Variants in KRR1 observed in about 807,000 individuals in gnomAD.
KRR1 encodes KRR1 small subunit processome component homolog.
A neutral mutation model predicts 50.0 loss-of-function variants in KRR1; 23 were observed. The ratio of observed to expected loss-of-function variants is 0.46; its 90% CI spans 0.33 to 0.65. The LOEUF is 0.65. Among genes scored for constraint, KRR1 ranks in the 30% least tolerant of loss-of-function variants. KRR1 has a pLI of 0.02. For synonymous variants in KRR1, 133 were observed against 146.3 expected (o/e 0.91, Z 0.66); for missense variants, 419 against 442.4 (o/e 0.95, Z 0.47).
rs2046346699 is a variant in KRR1 at position 75,495,751 on chromosome 12, T to A, written c.*4058A>T. ...TTAACAATGAAACCATGTTTTATCT[T>A]AACGGCTATCTTCAAGGAAACTGGC... On this transcript the variant is annotated 3_prime_UTR_variant, in exon 10 of 10. Coordinates refer to ENST00000229214, the MANE Select transcript of KRR1 (RefSeq NM_007043.7). 3 of 767,946 alleles carry A rather than the reference T, an allele frequency of 3.9e-6. No individual in the cohort carries two copies. In the South Asian group the frequency reaches 5.3e-5, roughly 14 times the overall value. 47.6% of individuals were successfully genotyped at this position (767,946 alleles called of 1,614,324 possible). A position where few individuals can be genotyped will look rare whatever the true frequency, so the allele number is the denominator to read the frequency against.
Position 75,499,025 on chromosome 12 carries a change from TG to T in KRR1, c.*783del. The T allele has an allele frequency of 1.5e-6, 2 of 1,345,356 alleles. No homozygotes were observed. Among genetic ancestry groups the T allele is most frequent in the Non-Finnish European group, 1.0e-6 (1 of 994,110 alleles). The allele number at this position is 1,345,356 out of a possible 1,614,324, so 83.3% of individuals were successfully genotyped here. ...CCCAAAAACCAACCTCATTCACATA[TG>T]GCTTTTTTTTTAACCAATAACAATT... On this transcript the variant is annotated 3_prime_UTR_variant, in exon 10 of 10. Coordinates refer to ENST00000229214, the MANE Select transcript of KRR1 (RefSeq NM_007043.7).
intron 2 of KRR1, 93 bp downstream of exon 2, chr12:75,508,181 T>TA (rs371285294): frequency 0.049 from 32,691 of 670,690 alleles, 65 homozygotes; most frequent in Non-Finnish European, 0.055. Flanking sequence ...TTAGCACCAT[T>TA]AAAAAAAAAA....
rs912318904 is a variant in KRR1 at position 75,497,372 on chromosome 12, C to T, written c.*2437G>A. The stretch of plus-strand genomic sequence containing the variant: ...TAGTCCAATAATGAAAACCCTTGGA[C>T]TCTTGAGAAAACACATGCTAACTTG... On this transcript the variant is annotated 3_prime_UTR_variant, in exon 10 of 10. Transcript: ENST00000229214. 2.6e-5 allele frequency: 4 copies of T among 152,262 alleles called. No individual in the cohort carries two copies. The highest frequency in any genetic ancestry group is 5.9e-5 in the Non-Finnish European group (4 of 68,034). The allele number at this position is 152,262 out of a possible 1,614,324, so 9.4% of individuals were successfully genotyped here. A position where few individuals can be genotyped will look rare whatever the true frequency, so the allele number is the denominator to read the frequency against.
chr12:75,492,059 A>G lies in KRR1; in HGVS notation c.*7750T>C, dbSNP rs2046326784. On this transcript the variant is annotated 3_prime_UTR_variant, in exon 10 of 10. Transcript: ENST00000229214. ...AACCCAGAAAAAACTAGACAAAGCCATAATTCAGTTAGTGGTAACTTTTCA... is the reference window on the plus strand; with the variant it reads ...AACCCAGAAAAAACTAGACAAAGCCGTAATTCAGTTAGTGGTAACTTTTCA... 1 of 151,700 alleles carries G rather than the reference A, an allele frequency of 6.6e-6. No homozygotes were observed. Among genetic ancestry groups the G allele is most frequent in the Non-Finnish European group, 1.5e-5 (1 of 67,982 alleles). The allele number at this position is 151,700 out of a possible 1,614,324, so 9.4% of individuals were successfully genotyped here.
In KRR1 at chr12:75,511,206, C is replaced by G. The variant is rs112013249; in HGVS notation, c.85+307G>C. 7.4e-4 allele frequency among the ~76,000 whole-genome samples: 113 copies of G among 152,316 alleles called. 1 individual carries two copies. The highest frequency in any genetic ancestry group is 2.5e-3 in the African/African-American group (103 of 41,570). On this transcript the variant is annotated intron_variant, in intron 1 of 9. Transcript: ENST00000229214. ...TCCGTCAGTGACTTTCAGCCACCCG[C>G]AGGCTTACAAGGTTCTGCGTCGCCC...
chr12:75,504,092 A>G lies in KRR1; in HGVS notation c.661-18T>C, dbSNP rs1407913585. The G allele has an allele frequency of 6.4e-7, 1 of 1,570,218 alleles. No homozygotes were observed. The highest frequency in any genetic ancestry group is 8.6e-7 in the Non-Finnish European group (1 of 1,159,612). The stretch of plus-strand genomic sequence containing the variant: ...ATTAAGCTCTTTAGTCATGCAACAA[A>G]GTAAAAATTTTTACTTTCCAAAGTC... On this transcript the variant is annotated intron_variant, in intron 6 of 9. Transcript: ENST00000229214.
Position 75,499,488 on chromosome 12 carries a change from TA to T in KRR1, c.*320del, listed in dbSNP as rs1566102034. ...ACCAAACTTTCAAAAGGGATAAACC[TA>T]AATATTTACTTGTTATCATTAGAGA... On this transcript the variant is annotated 3_prime_UTR_variant, in exon 10 of 10. Coordinates refer to ENST00000229214, the MANE Select transcript of KRR1 (RefSeq NM_007043.7). The T allele has an allele frequency of 1.2e-5, 2 of 171,800 alleles. No homozygotes were observed. The highest frequency in any genetic ancestry group is 4.8e-5 in the African/African-American group (2 of 42,070). The allele number at this position is 171,800 out of a possible 1,614,324, so 10.6% of individuals were successfully genotyped here.
intron 1 of KRR1, among the ~76,000 whole-genome samples, chr12:75,508,779 A>G (rs1487634874): frequency 6.6e-6 from 1 of 152,248 alleles, no homozygotes; most frequent in Non-Finnish European, 1.5e-5. Flanking sequence ...GTACTGCACT[A>G]CACTATCATA....
chr12:75,505,519 G>A (rs574066059), intron 5 of KRR1, among the ~76,000 whole-genome samples: 4 of 152,010 alleles, frequency 2.6e-5, no homozygotes, highest in African/African-American at 9.7e-5. Context: ...TGATTTAGGA[G>A]GAAGAGGGCT....
chr12:75,502,102 A>G (rs541835101), intron 7 of KRR1, 102 bp from the exon 8 acceptor site: 1 of 874,990 alleles, frequency 1.1e-6, no homozygotes, highest in African/African-American at 1.7e-5. Flanking sequence ...ATGGGGTCAA[A>G]CTGATTTATT....
chr12:75,494,445 T>C lies in KRR1; in HGVS notation c.*5364A>G, dbSNP rs2046339072. 6.6e-6 allele frequency: 1 copy of C among 152,190 alleles called. No individual in the cohort carries two copies. The allele number at this position is 152,190 out of a possible 1,614,324, so 9.4% of individuals were successfully genotyped here. A position where few individuals can be genotyped will look rare whatever the true frequency, so the allele number is the denominator to read the frequency against. ...CCACATTCCACTTGCTGCAGAGAAC[T>C]CAAAATATAGTTTGTGTTCATCACT... is the stretch of plus-strand genomic sequence containing the variant. On this transcript the variant is annotated 3_prime_UTR_variant, in exon 10 of 10. Transcript: ENST00000229214.
chr12:75,507,054 T>C, intron 2 of KRR1, 138 bp from the exon 3 acceptor site: 1 of 651,586 alleles, frequency 1.5e-6, no homozygotes, highest in East Asian at 3.0e-5. Flanking sequence ...AGCTAGGTAG[T>C]TAAGTATAAA....
chr12:75,498,778 T>G lies in KRR1; in HGVS notation c.*1031A>C, dbSNP rs1317561556. On this transcript the variant is annotated 3_prime_UTR_variant, in exon 10 of 10. Coordinates refer to ENST00000229214, the MANE Select transcript of KRR1 (RefSeq NM_007043.7). ...GAGCTATGTGAATTCTGTCAGTGCA[T>G]TATGAGGAACAATGTCTAAGAGGAT... 6.2e-7 allele frequency: 1 copy of G among 1,607,706 alleles called. No individual in the cohort carries two copies. Among genetic ancestry groups the G allele is most frequent in the Admixed American group, 1.7e-5 (1 of 59,938 alleles).
chr12:75,507,967 A>G (rs1056045015), intron 2 of KRR1, among the ~76,000 whole-genome samples: 3 of 152,188 alleles, frequency 2.0e-5, no homozygotes, highest in Non-Finnish European at 4.4e-5. Context: ...ATACATGACA[A>G]CTATCATGGC....
intron 1 of KRR1, 100 bp downstream of exon 1, chr12:75,511,413 C>G: frequency 9.6e-7 from 1 of 1,046,258 alleles, no homozygotes; most frequent in Non-Finnish European, 1.5e-6. Context: ...CTACACAGTA[C>G]AGGCTCCAGG....
Position 75,494,862 on chromosome 12 carries a change from C to T in KRR1, c.*4947G>A, listed in dbSNP as rs752238616. 1 of 152,204 alleles carries T rather than the reference C, an allele frequency of 6.6e-6. No individual in the cohort carries two copies. The highest frequency in any genetic ancestry group is 1.5e-5 in the Non-Finnish European group (1 of 68,038). The allele number at this position is 152,204 out of a possible 1,614,324, so 9.4% of individuals were successfully genotyped here. ...CAATTACTTATACTCTGTGACTCAG[C>T]CTCTAGCTATATAATGGGTATAAAT... On this transcript the variant is annotated 3_prime_UTR_variant, in exon 10 of 10. Transcript: ENST00000229214.
chr12:75,500,298 T>G, intron 9 of KRR1: 1 of 156,442 alleles, frequency 6.4e-6, no homozygotes, highest in African/African-American at 2.4e-5. Flanking sequence ...CTACATTCTT[T>G]TCCATATTTT....
In KRR1 at chr12:75,498,849, C is replaced by T. The variant is rs1388413216; in HGVS notation, c.*960G>A. 6.2e-7 allele frequency: 1 copy of T among 1,612,264 alleles called. No homozygotes were observed. ...GTTACTACTCTGTTGTATATCCAGG[C>T]TGGCCCATATATCCACGTAACAGAT... On this transcript the variant is annotated 3_prime_UTR_variant, in exon 10 of 10. Coordinates refer to ENST00000229214, the MANE Select transcript of KRR1 (RefSeq NM_007043.7).
intron 5 of KRR1, 46 bp from the exon 6 acceptor site, chr12:75,505,300 A>G: frequency 6.5e-7 from 1 of 1,537,582 alleles, no homozygotes; most frequent in East Asian, 2.4e-5. Context: ...GATTTTAATG[A>G]GCTATGGAGA....
Sources: gnomAD v4.1 joint callset for allele counts (sites outside exome capture counted in the v4.1 genomes callset) on GRCh38, gnomAD v4.1.1 for gene constraint, MANE v1.5 for transcripts, NCBI Gene and HGNC (gene_info 2026-07-23, HGNC 2026-07-21) for gene names.